The following MACROH2A1 variants were observed in gnomAD, a reference collection of about 807,000 sequenced individuals.
MACROH2A1 encodes core histone macro-H2A.1.
A neutral mutation model predicts 31.6 loss-of-function variants in MACROH2A1; 2 were observed. The observed-to-expected ratio is 0.06, with a 90% CI of 0.03 to 0.20. The LOEUF (loss-of-function observed/expected upper bound fraction) is 0.20, where lower values mean the gene tolerates loss of function less well. Ranked by LOEUF, MACROH2A1 falls within the 10% of genes least tolerant of loss-of-function variation. The pLI, the probability that MACROH2A1 is intolerant of heterozygous loss-of-function variation, is 1.00. For missense variants in MACROH2A1, 230 were observed against 474.0 expected, an observed-to-expected ratio of 0.49 and a Z score of 4.78; for synonymous variants, 169 against 189.6, an observed-to-expected ratio of 0.89 and a Z score of 0.89.
intron 4 of MACROH2A1, among the ~76,000 whole-genome samples, chr5:135,368,995 A>AT (rs1293774002): frequency 1.3e-5 from 2 of 152,352 alleles, no homozygotes; most frequent in East Asian, 3.9e-4. Context: ...CCATGGCAAC[A>AT]TGAGAGTTCT....
At chr5:135,399,771 GTTAATCCT>G (rs1768584771), upstream of MACROH2A1, 1 of 152,264 alleles carries the variant, frequency 6.6e-6, no homozygotes, top group Non-Finnish European at 1.5e-5. This position sits in a 1 kb window ranked among gnomAD's most constrained non-coding sequence, Gnocchi z 4.5. Context: ...GGGTCCTTCA[GTTAATCCT>G]CCTCACCCCG....
chr5:135,363,156 C>A (rs1438956428), intron 4 of MACROH2A1, among the ~76,000 whole-genome samples: 1 of 151,706 alleles, frequency 6.6e-6, no homozygotes, highest in Non-Finnish European at 1.5e-5. Flanking sequence ...AGGATGCCAG[C>A]CTGGGCAACA....
chr5:135,376,208 T>C (rs1764837038), intron 2 of MACROH2A1, among the ~76,000 whole-genome samples: 1 of 152,010 alleles, frequency 6.6e-6, no homozygotes, highest in African/African-American at 2.4e-5. Context: ...TGACACAAAC[T>C]CCTCTACTGT....
chr5:135,342,948 C>T (rs1462195880), intron 8 of MACROH2A1, among the ~76,000 whole-genome samples: 4 of 152,188 alleles, frequency 2.6e-5, no homozygotes, highest in African/African-American at 7.2e-5. Flanking sequence ...TCTTCTCCAC[C>T]CAAGTCACTG....
intron 2 of MACROH2A1, among the ~76,000 whole-genome samples, chr5:135,382,094 C>A (rs1157937860): frequency 2.0e-5 from 3 of 152,224 alleles, no homozygotes; most frequent in South Asian, 2.1e-4. Context: ...TTTGGTCACA[C>A]CTTTTTCCTT....
intron 8 of MACROH2A1, among the ~76,000 whole-genome samples, chr5:135,336,110 G>A (rs1328474543): frequency 6.6e-6 from 1 of 152,206 alleles, no homozygotes; most frequent in East Asian, 1.9e-4. Flanking sequence ...AAAGCGCTGG[G>A]CCAACCCGCC....
intron 5 of MACROH2A1, chr5:135,359,241 C>A: frequency 1.0e-6 from 1 of 985,318 alleles, no homozygotes; most frequent in Non-Finnish European, 1.2e-6. Context: ...ACCCCAAGGG[C>A]TGAACTGCTC....
At chr5:135,351,714 C>T (rs533123846) in intron 6 of MACROH2A1, among the ~76,000 whole-genome samples, 1 of 151,464 alleles carries the variant, frequency 6.6e-6, no homozygotes, top group East Asian at 1.9e-4. Context: ...AGGCACGTGT[C>T]ACCAAGCCCA....
chr5:135,394,421 G>A (rs1211220168), intron 1 of MACROH2A1, among the ~76,000 whole-genome samples: 3 of 152,062 alleles, frequency 2.0e-5, no homozygotes, highest in African/African-American at 4.8e-5. Flanking sequence ...CTTGTGCACA[G>A]GCCCTGTTGA....
chr5:135,352,789 G>C (rs893424477), intron 6 of MACROH2A1, among the ~76,000 whole-genome samples, 157 bp downstream of exon 6: 3 of 152,054 alleles, frequency 2.0e-5, no homozygotes, highest in African/African-American at 7.2e-5. Flanking sequence ...GAATGGCCTG[G>C]AGTAAGTTGA....
intron 8 of MACROH2A1, among the ~76,000 whole-genome samples, chr5:135,340,814 AT>A (rs1349354810): frequency 6.6e-6 from 1 of 151,062 alleles, no homozygotes; most frequent in Admixed American, 6.6e-5. Context: ...GTGTAATCCC[AT>A]TTTTTTTTAC....
intron 5 of MACROH2A1, chr5:135,355,260 T>C (rs1209689646): frequency 6.6e-6 from 3 of 455,978 alleles, no homozygotes; most frequent in East Asian, 6.9e-5. Flanking sequence ...CTCAAGCTCA[T>C]GGAGAATTCT....
At chr5:135,335,241 T>C (rs1758446982) in intron 8 of MACROH2A1, 100 bp from the exon 9 acceptor site, 10 of 860,548 alleles carry the variant, frequency 1.2e-5, no homozygotes, top group Non-Finnish European at 1.7e-5. Context: ...GCAGCTTGCC[T>C]TGTGTTGGGT....
intron 2 of MACROH2A1, among the ~76,000 whole-genome samples, chr5:135,370,687 A>G (rs561218830): frequency 6.6e-6 from 1 of 152,314 alleles, no homozygotes; most frequent in African/African-American, 2.4e-5. Context: ...CATCACAAAT[A>G]CATTTTTTAA....
chr5:135,353,359 G>T, intron 5 of MACROH2A1: 1 of 330,054 alleles, frequency 3.0e-6, no homozygotes, highest in East Asian at 7.0e-5. Flanking sequence ...CCAAAGTAAG[G>T]CAGCTATCAG....
chr5:135,369,920 T>C lies in MACROH2A1; in HGVS notation c.279+116A>G. ...GGGAGGCAGAGAAGCTGCTAATTAA[T>C]CCAAAAGGCAGTCCACACCTTTCAT... On this transcript the variant is annotated intron_variant, in intron 3 of 8. Coordinates refer to ENST00000511689, the MANE Select transcript of MACROH2A1 (RefSeq NM_138610.3). The surrounding 1 kb of genome is among the most constrained non-coding windows in gnomAD (Gnocchi z 4.3). 1.5e-6 allele frequency: 1 copy of C among 687,192 alleles called. No homozygotes were observed. The highest frequency in any genetic ancestry group is 2.5e-6 in the Non-Finnish European group (1 of 403,100). 42.6% of individuals were successfully genotyped at this position (687,192 alleles called of 1,614,324 possible).
intron 2 of MACROH2A1, among the ~76,000 whole-genome samples, chr5:135,374,928 C>A (rs1764656315): frequency 6.6e-6 from 1 of 152,170 alleles, no homozygotes; most frequent in Non-Finnish European, 1.5e-5. Context: ...TTCTCCACCC[C>A]ATCAAGCCAA....
intron 1 of MACROH2A1, among the ~76,000 whole-genome samples, chr5:135,397,794 G>T (rs1554103885): frequency 6.6e-6 from 1 of 152,134 alleles, no homozygotes; most frequent in Non-Finnish European, 1.5e-5. Context: ...CCTAAAGGTG[G>T]CCTGCAGTAG....
intron 5 of MACROH2A1, chr5:135,354,876 C>CA (rs1284876589): frequency 5.5e-6 from 2 of 362,112 alleles, no homozygotes; most frequent in African/African-American, 4.3e-5. Context: ...AAACACACCC[C>CA]ACACAGTGTG....
Sources: allele counts gnomAD v4.1 joint callset (sites outside exome capture counted in the v4.1 genomes callset), GRCh38; gene constraint gnomAD v4.1.1; non-coding constraint Gnocchi (gnomAD v3.1); transcripts MANE v1.5; gene names NCBI Gene and HGNC (gene_info 2026-07-23, HGNC 2026-07-21).